Variants in PLEKHG4B observed in about 807,000 individuals in gnomAD.
PLEKHG4B encodes the protein pleckstrin homology domain-containing family G member 4B.
Under a neutral mutation model 121.3 loss-of-function variants are expected in PLEKHG4B, and 111 were observed. The ratio of observed to expected loss-of-function variants is 0.92; its 90% CI spans 0.78 to 1.07. PLEKHG4B has a LOEUF of 1.07. Ranked by LOEUF, PLEKHG4B falls within the 50% of genes least tolerant of loss-of-function variation. The pLI is 0.00. For synonymous variants in PLEKHG4B, 738 were observed against 725.0 expected (o/e 1.02, Z -0.29); for missense variants, 1,831 against 1,757.8 (o/e 1.04, Z -0.74).
At position 139,053 on chromosome 5, in the gene PLEKHG4B, G is replaced by A. The variant is rs752867230; in HGVS notation, c.244-430G>A. 1.1e-4 allele frequency among the ~76,000 whole-genome samples: 17 copies of A among 152,212 alleles called. No homozygotes were observed. Among genetic ancestry groups the A allele is most frequent in the Non-Finnish European group, 1.6e-4 (11 of 68,030 alleles). ...CAGCCGGGAGCCACAGGGAGCACCGGGAGTGCAGAGGAGGGAGCCCCCCAT... is the reference window on the plus strand; with the variant it reads ...CAGCCGGGAGCCACAGGGAGCACCGAGAGTGCAGAGGAGGGAGCCCCCCAT... On this transcript the variant is annotated intron_variant, in intron 2 of 19. Transcript: ENST00000637938. This position sits in a 1 kb window ranked among gnomAD's most constrained non-coding sequence, Gnocchi z 5.0.
intron 1 of PLEKHG4B, among the ~76,000 whole-genome samples, chr5:98,646 T>TGTGTGTG (rs1733700988): frequency 2.9e-5 from 4 of 138,524 alleles, no homozygotes; most frequent in African/African-American, 8.1e-5. Context: ...TGTGTGTGTG[T>TGTGTGTG]TAGTTTTAGT....
In PLEKHG4B at chr5:174,113, G is replaced by T; in HGVS notation, c.4402+15G>T. 2 of 1,523,070 alleles carry T rather than the reference G, an allele frequency of 1.3e-6. No individual in the cohort carries two copies. Among genetic ancestry groups the T allele is most frequent in the Non-Finnish European group, 1.8e-6 (2 of 1,130,922 alleles). The allele number at this position is 1,523,070 out of a possible 1,614,324, so 94.3% of individuals were successfully genotyped here. On this transcript the variant is annotated intron_variant, in intron 18 of 19. Coordinates refer to ENST00000637938, the MANE Select transcript of PLEKHG4B (RefSeq NM_052909.5). ...AAAGAGCAGAGGTGGGAAGATGGGG[G>T]CCGCAGGGCCTGCCAGGCTCAGGGG...
rs531104289 is a variant in PLEKHG4B, at chr5:153,451, G to A, written c.1993-1424G>A. Among the ~76,000 whole-genome samples the A allele has an allele frequency of 6.6e-5, 10 of 152,322 alleles. No individual in the cohort carries two copies. The East Asian group carries it at 1.7e-3, about 26-fold the overall frequency. On this transcript the variant is annotated intron_variant, in intron 7 of 19. Coordinates refer to ENST00000637938, the MANE Select transcript of PLEKHG4B (RefSeq NM_052909.5). ...TGGTTAGACTCCAACCGGCAGCTCT[G>A]TGTCACCCACAGTGGGTTCAGTTTA... is the stretch of plus-strand genomic sequence containing the variant.
intron 13 of PLEKHG4B, among the ~76,000 whole-genome samples, chr5:165,085 G>A (rs1175283016): frequency 9.0e-6 from 1 of 111,254 alleles, no homozygotes; most frequent in African/African-American, 3.3e-5. Flanking sequence ...CTCTGACGGG[G>A]CGGGGCTCAC....
Position 162,836 on chromosome 5 carries a change from G to C in PLEKHG4B, c.2764G>C (p.Gly922Arg). 6.6e-7 allele frequency: 1 copy of C among 1,511,684 alleles called. No homozygotes were observed. The highest frequency in any genetic ancestry group is 1.3e-5 in the South Asian group (1 of 75,456). The allele number at this position is 1,511,684 out of a possible 1,614,324, so 93.6% of individuals were successfully genotyped here. The change falls in exon 13 of 20, where the codon GGG becomes CGG. Residue 922 changes from glycine to arginine, a missense_variant. Transcript: ENST00000637938. Reference protein sequence around the residue: ...ATSVAAEAFPGAGVAVLKPHA... With the variant: ...ATSVAAEAFPRAGVAVLKPHA... ...CTCGGTGGCTGCAGAGGCCTTCCCC[G>C]GGGCAGGTGTGGCAGTGCTGAAGCC...
At chr5:141,244 G>C (rs1223417633) in intron 3 of PLEKHG4B, among the ~76,000 whole-genome samples, 14 of 13,998 alleles carry the variant, frequency 1.0e-3, no homozygotes, top group African/African-American at 4.8e-3. Flanking sequence ...CCCCTGCACT[G>C]TCCCCCTCCC....
Position 169,395 on chromosome 5 carries a change from C to G in PLEKHG4B, c.3532C>G (p.Arg1178Gly). 1 of 1,614,108 alleles carries G rather than the reference C, an allele frequency of 6.2e-7. No individual in the cohort carries two copies. Among genetic ancestry groups the G allele is most frequent in the South Asian group, 1.1e-5 (1 of 91,082 alleles). Residue 1178 changes from arginine to glycine, a missense_variant, in exon 14 of 20, where the codon CGG becomes GGG. Coordinates refer to ENST00000637938, the MANE Select transcript of PLEKHG4B (RefSeq NM_052909.5). ...GATCGCCACAGAGAGGGAGTACATT[C>G]GGTGCTTAGGATACGTCATTGACAA... ...EMIATEREYI[R>G]CLGYVIDNYF...
rs773235423 is a variant in PLEKHG4B at position 161,964 on chromosome 5, T to G, written c.2649+20T>G. 3.8e-6 allele frequency: 6 copies of G among 1,594,078 alleles called. No homozygotes were observed. The South Asian group carries it at 6.7e-5, about 18-fold the overall frequency. On this transcript the variant is annotated intron_variant, in intron 12 of 19. Transcript: ENST00000637938. The stretch of plus-strand genomic sequence containing the variant: ...GAGACGGTAAGAGACCCAGTGGGCG[T>G]GCGTCCCAGGGATCCCGGCTCCTTA...
chr5:135,703 A>T (rs1579271863), intron 2 of PLEKHG4B, among the ~76,000 whole-genome samples: 1 of 90,034 alleles, frequency 1.1e-5, no homozygotes. Flanking sequence ...ATATATATAT[A>T]TATATATATA....
At chr5:171,822 G>A (rs1389477483) in intron 16 of PLEKHG4B, among the ~76,000 whole-genome samples, 1 of 152,248 alleles carries the variant, frequency 6.6e-6, no homozygotes, top group Non-Finnish European at 1.5e-5. Flanking sequence ...TCTGTGAGAA[G>A]GCACTAGGGC....
rs1193471838 is a variant in PLEKHG4B, at chr5:99,993, T to C, written c.45+7717T>C. 3.9e-5 allele frequency among the ~76,000 whole-genome samples: 6 copies of C among 152,278 alleles called. No individual in the cohort carries two copies. In the East Asian group the frequency reaches 1.2e-3, roughly 29 times the overall value. On this transcript the variant is annotated intron_variant, in intron 1 of 19. Coordinates refer to ENST00000637938, the MANE Select transcript of PLEKHG4B (RefSeq NM_052909.5). ...ACTTGAGATGATCATGTGAGCTTTT[T>C]CCTTTGTTCTGTTAATGTGGTGTAT...
intron 1 of PLEKHG4B, among the ~76,000 whole-genome samples, chr5:111,474 G>A (rs1040838048): frequency 2.0e-5 from 3 of 152,232 alleles, no homozygotes; most frequent in Admixed American, 1.3e-4. Flanking sequence ...TATGTCGGGC[G>A]GTTGAGACGG....
rs1004016678 is a variant in PLEKHG4B at position 140,384 on chromosome 5, C to G, written c.1145C>G (p.Thr382Ser). 4 of 1,552,352 alleles carry G rather than the reference C, an allele frequency of 2.6e-6. No individual in the cohort carries two copies. Among genetic ancestry groups the G allele is most frequent in the Middle Eastern group, 3.4e-4 (2 of 5,880 alleles). Residue 382 changes from threonine to serine, a missense_variant, in exon 3 of 20, where the codon ACT becomes AGT. By Grantham distance (58) the Thr-to-Ser change is moderately conservative. Coordinates refer to ENST00000637938, the MANE Select transcript of PLEKHG4B (RefSeq NM_052909.5). ...GGGGACCTGGCCTGCAGCTCCCTGA[C>G]TGGAGCCAGCAGGGACCTGGGGACT... ...ALGDLACSSL[T>S]GASRDLGTGA...
At chr5:103,397 G>T (rs928040523) in intron 1 of PLEKHG4B, among the ~76,000 whole-genome samples, 2 of 152,108 alleles carry the variant, frequency 1.3e-5, no homozygotes, top group African/African-American at 4.8e-5. Flanking sequence ...CCCCCACTCT[G>T]GGAGAAGAGG....
intron 18 of PLEKHG4B, among the ~76,000 whole-genome samples, chr5:179,288 A>T (rs1392604349): frequency 2.6e-5 from 4 of 152,150 alleles, no homozygotes; most frequent in Non-Finnish European, 5.9e-5. Context: ...TAATTTGGGT[A>T]TAAATTGAGT....
Position 163,363 on chromosome 5 carries a change from C to T in PLEKHG4B, c.3291C>T (p.Asp1097=). The T allele has an allele frequency of 6.2e-7, 1 of 1,613,288 alleles. No individual in the cohort carries two copies. Among genetic ancestry groups the T allele is most frequent in the Non-Finnish European group, 8.5e-7 (1 of 1,180,034 alleles). ...CTCAGCCCGACAGTGGCCCCAGGGA[C>T]TCCTGCCAGCCAGACCATACTAGTG... ...EIPQPDSGPR[D]SCQPDHTSVF... is the part of the protein sequence containing the mutation. The change falls in exon 13 of 20, where the codon GAC becomes GAT. Residue 1097 remains aspartate, a synonymous_variant. Coordinates refer to ENST00000637938, the MANE Select transcript of PLEKHG4B (RefSeq NM_052909.5).
chr5:182,281 G>A lies in PLEKHG4B; in HGVS notation c.4842G>A (p.Glu1614=). ...LETGTQAAVC[E]GAPAVLLSRT... is the part of the protein sequence containing the mutation. ...CGGGCACCCAGGCTGCAGTGTGTGA[G>A]GGGGCTCCTGCTGTGCTGCTGAGCC... The change falls in exon 20 of 20, where the codon GAG becomes GAA. Residue 1614 remains glutamate (E), a synonymous_variant. Transcript: ENST00000637938. The A allele has an allele frequency of 1.9e-6, 3 of 1,612,392 alleles. No individual in the cohort carries two copies. Among genetic ancestry groups the A allele is most frequent in the South Asian group, 1.1e-5 (1 of 90,980 alleles).
chr5:128,780 A>G (rs1315019145), intron 2 of PLEKHG4B, among the ~76,000 whole-genome samples: 2 of 152,166 alleles, frequency 1.3e-5, no homozygotes, highest in Non-Finnish European at 2.9e-5. Flanking sequence ...CCTCCTCACA[A>G]CTGGGATAAC....
chr5:100,077 T>A (rs2126333169), intron 1 of PLEKHG4B, among the ~76,000 whole-genome samples: 1 of 152,282 alleles, frequency 6.6e-6, no homozygotes, highest in Admixed American at 6.5e-5. Flanking sequence ...AATTACCACT[T>A]GGTCACAGTG....
Sources: gnomAD v4.1 joint callset for allele counts (sites outside exome capture counted in the v4.1 genomes callset) on GRCh38, gnomAD v4.1.1 for gene constraint, Gnocchi (gnomAD v3.1) non-coding constraint, MANE v1.5 for transcripts, NCBI Gene and HGNC (gene_info 2026-07-23, HGNC 2026-07-21) for gene names.